CTNNA3: variants seen among roughly 807,000 people sequenced by gnomAD.
CTNNA3 encodes the protein catenin alpha 3, also known as catenin alpha-3.
A neutral mutation model predicts 95.7 loss-of-function variants in CTNNA3; 76 were observed. The observed-to-expected ratio is 0.79, with a 90% confidence interval of 0.66 to 0.96. The LOEUF is 0.96. CTNNA3 is among the 40% of genes least tolerant of loss of function. CTNNA3 has a pLI of 0.00. For missense variants in CTNNA3, 1,191 were observed against 1,089.8 expected (o/e 1.09, Z -1.31); for synonymous variants, 431 against 374.4 (o/e 1.15, Z -1.74).
intron 10 of CTNNA3, among the ~76,000 whole-genome samples, chr10:66,571,389 AT>A (rs1263124431): frequency 6.6e-6 from 1 of 152,170 alleles, no homozygotes; most frequent in Non-Finnish European, 1.5e-5. Flanking sequence ...TTTCATATAA[AT>A]TGTTTCACTT....
At chr10:66,562,463 G>T (rs1253724704) in intron 10 of CTNNA3, among the ~76,000 whole-genome samples, 1 of 152,168 alleles carries the variant, frequency 6.6e-6, no homozygotes, top group Admixed American at 6.6e-5. Flanking sequence ...TCTCCTTTAA[G>T]TAATGCTAAG....
At chr10:67,739,646 G>T (rs7900962) in intron 1 of CTNNA3, among the ~76,000 whole-genome samples, 65,317 of 149,648 alleles carry the variant, frequency 0.44, 17,678 homozygotes, top group African/African-American at 0.78. Flanking sequence ...CACTGCTCAA[G>T]GAAATAAAAG....
At position 66,574,367 on chromosome 10, in the gene CTNNA3, G is replaced by A. The variant is rs1842947478; in HGVS notation, c.1374+47325C>T. On this transcript the variant is annotated intron_variant, in intron 10 of 17. Transcript: ENST00000433211. ...AGAAAGATATGAAAGGTGAGCAAAG[G>A]TTCTACCATGTTTTTGTAAAGAAAT... Among the ~76,000 whole-genome samples, 4 of 151,960 alleles carry A rather than the reference G, an allele frequency of 2.6e-5. No homozygotes were observed. In the South Asian group the frequency reaches 8.3e-4, roughly 32 times the overall value.
At chr10:67,669,174 G>T (rs956838511) in intron 1 of CTNNA3, among the ~76,000 whole-genome samples, 1 of 152,124 alleles carries the variant, frequency 6.6e-6, no homozygotes, top group Non-Finnish European at 1.5e-5. Flanking sequence ...CTCTTAGCAG[G>T]TAATATTCAC....
At chr10:66,391,655 T>C (rs2092934436) in intron 11 of CTNNA3, among the ~76,000 whole-genome samples, 1 of 152,114 alleles carries the variant, frequency 6.6e-6, no homozygotes, top group African/African-American at 2.4e-5. Flanking sequence ...GAAAAGATAA[T>C]CCTAAAGGCT....
intron 7 of CTNNA3, among the ~76,000 whole-genome samples, chr10:67,064,869 G>A (rs12764110): frequency 0.26 from 39,419 of 151,882 alleles, 6,116 homozygotes; most frequent in Middle Eastern, 0.45. Context: ...TTATATGTAA[G>A]TATTTGCAGG....
chr10:67,583,935 C>T (rs942500982), intron 3 of CTNNA3, among the ~76,000 whole-genome samples: 1 of 152,144 alleles, frequency 6.6e-6, no homozygotes, highest in South Asian at 2.1e-4. Flanking sequence ...CTTCTCTATG[C>T]TGCTTATTCT....
At chr10:66,167,461 C>T (rs946073845) in intron 13 of CTNNA3, among the ~76,000 whole-genome samples, 1 of 151,998 alleles carries the variant, frequency 6.6e-6, no homozygotes, top group East Asian at 1.9e-4. Context: ...ACAAATGAAT[C>T]GTTTTAAAAG....
At chr10:66,505,735 T>C (rs1429855047) in intron 11 of CTNNA3, among the ~76,000 whole-genome samples, 1 of 152,166 alleles carries the variant, frequency 6.6e-6, no homozygotes, top group Non-Finnish European at 1.5e-5. Context: ...ACACCTGTTT[T>C]ATATTGGATT....
chr10:67,715,022 C>T (rs1384381779), intron 1 of CTNNA3, among the ~76,000 whole-genome samples: 1 of 152,168 alleles, frequency 6.6e-6, no homozygotes, highest in Admixed American at 6.5e-5. Context: ...TGATCAGCAG[C>T]ATGAAAGCAG....
rs5785750 is a variant in CTNNA3, at chr10:66,121,467, T to TAC, written c.1885-18220_1885-18219dup. Among the ~76,000 whole-genome samples the TAC allele has an allele frequency of 7.2e-3, 1,093 of 151,304 alleles. 9 individuals are homozygous for TAC. The highest frequency in any genetic ancestry group is 0.022 in the African/African-American group (925 of 41,270). On this transcript the variant is annotated intron_variant, in intron 13 of 17. Transcript: ENST00000433211. The stretch of plus-strand genomic sequence containing the variant: ...GTTTCTTTTTTTAATACAACATACA[T>TAC]ACACACACACACACACTATCTTATA...
At chr10:66,222,610 AAG>A (rs1383036290) in intron 13 of CTNNA3, among the ~76,000 whole-genome samples, 4 of 68,750 alleles carry the variant, frequency 5.8e-5, no homozygotes, top group Non-Finnish European at 1.2e-4. Context: ...GAAAGAAAGA[AAG>A]AAAGAAAGAA....
chr10:66,464,706 T>C (rs938533849), intron 11 of CTNNA3, among the ~76,000 whole-genome samples: 2 of 152,030 alleles, frequency 1.3e-5, no homozygotes, highest in African/African-American at 4.8e-5. Flanking sequence ...GAGGTTGCAG[T>C]TAGCTGAGAT....
At chr10:67,104,430 T>C (rs578024167) in intron 7 of CTNNA3, among the ~76,000 whole-genome samples, 1 of 152,128 alleles carries the variant, frequency 6.6e-6, no homozygotes, top group East Asian at 1.9e-4. Flanking sequence ...GAATGTAATA[T>C]GTAGTTTAAA....
At chr10:67,194,498 T>C (rs1350913903) in intron 6 of CTNNA3, among the ~76,000 whole-genome samples, 1 of 151,990 alleles carries the variant, frequency 6.6e-6, no homozygotes, top group Non-Finnish European at 1.5e-5. Context: ...CTACAGTATA[T>C]GACATTCTGA....
intron 5 of CTNNA3, among the ~76,000 whole-genome samples, chr10:67,240,830 A>AG (rs1364569005): frequency 6.6e-6 from 1 of 152,130 alleles, no homozygotes; most frequent in Non-Finnish European, 1.5e-5. Context: ...AAGAAAATGT[A>AG]GGGGGGTGTG....
chr10:66,778,910 A>T (rs1840418252), intron 7 of CTNNA3, among the ~76,000 whole-genome samples: 1 of 152,154 alleles, frequency 6.6e-6, no homozygotes, highest in South Asian at 2.1e-4. Flanking sequence ...CAGGAGGCGG[A>T]AGTTGCAGTG....
intron 7 of CTNNA3, among the ~76,000 whole-genome samples, chr10:67,016,306 G>A (rs750521837): frequency 7.2e-5 from 11 of 152,196 alleles, no homozygotes; most frequent in Admixed American, 5.2e-4. Context: ...TTCAGCTTAC[G>A]AACTCAAACA....
chr10:67,576,630 T>C (rs1842158025), intron 3 of CTNNA3, among the ~76,000 whole-genome samples: 1 of 147,516 alleles, frequency 6.8e-6, no homozygotes, highest in South Asian at 2.3e-4. Flanking sequence ...TGTATACATG[T>C]GCCATGCTGG....
Sources: gnomAD v4.1 joint callset for allele counts (sites outside exome capture counted in the v4.1 genomes callset) on GRCh38, gnomAD v4.1.1 for gene constraint, MANE v1.5 for transcripts, NCBI Gene and HGNC (gene_info 2026-07-23, HGNC 2026-07-21) for gene names.